Variants in GLIS3 observed in about 807,000 individuals in gnomAD.
GLIS3 encodes the protein zinc finger protein GLIS3.
In GLIS3, 53 loss-of-function variants were observed where a neutral mutation model predicts 78.6. The ratio of observed to expected loss-of-function variants is 0.67; its 90% CI spans 0.54 to 0.85. GLIS3 has a LOEUF of 0.85. Among genes scored for constraint, GLIS3 ranks in the 40% least tolerant of loss-of-function variants. The pLI is 0.00. For synonymous variants in GLIS3, 684 were observed against 509.9 expected, an observed-to-expected ratio of 1.34 and a Z score of -4.60; for missense variants, 1,703 against 1,231.1, an observed-to-expected ratio of 1.38 and a Z score of -5.74.
intron 3 of GLIS3, 104 bp downstream of exon 3, chr9:4,125,630 A>T: frequency 3.3e-6 from 2 of 610,472 alleles, no homozygotes; most frequent in Non-Finnish European, 5.4e-6. Context: ...GTGTAAGTGT[A>T]TGAGTGTGTG....
intron 8 of GLIS3, among the ~76,000 whole-genome samples, chr9:3,877,082 C>T (rs1254365390): frequency 1.3e-5 from 2 of 152,052 alleles, no homozygotes; most frequent in South Asian, 2.1e-4. Flanking sequence ...GTTGTTATGA[C>T]TATAGATAAG....
At chr9:4,125,368 C>T (rs1410011831) in intron 3 of GLIS3, among the ~76,000 whole-genome samples, 9 of 152,106 alleles carry the variant, frequency 5.9e-5, no homozygotes, top group Non-Finnish European at 1.3e-4. Context: ...GAAAACCTGG[C>T]AGGTAAGATA....
the GLIS3 span, among the ~76,000 whole-genome samples, chr9:4,385,534 G>A: frequency 8.9e-3 from 1,355 of 151,814 alleles, 17 homozygotes; most frequent in African/African-American, 0.031. Context: ...GTGTAGTGAT[G>A]GGCACCTGTA....
chr9:4,163,232 G>C (rs745959652), intron 2 of GLIS3, among the ~76,000 whole-genome samples: 1 of 146,392 alleles, frequency 6.8e-6, no homozygotes, highest in East Asian at 2.1e-4. Context: ...GCATGTGCAC[G>C]CATGTGCACT....
At chr9:4,391,721 G>C in the GLIS3 span, among the ~76,000 whole-genome samples, 1 of 152,122 alleles carries the variant, frequency 6.6e-6, no homozygotes, top group Non-Finnish European at 1.5e-5. Context: ...ATAGGGATTT[G>C]GTAAAGCACT....
At chr9:3,847,561 C>T (rs1819136922) in intron 9 of GLIS3, among the ~76,000 whole-genome samples, 1 of 152,220 alleles carries the variant, frequency 6.6e-6, no homozygotes, top group Non-Finnish European at 1.5e-5. Flanking sequence ...TGTGGGTGCA[C>T]ATGCACTCAT....
the GLIS3 span, among the ~76,000 whole-genome samples, chr9:4,462,639 GCA>G: frequency 2.0e-3 from 286 of 142,488 alleles, no homozygotes; most frequent in Middle Eastern, 6.9e-3. Flanking sequence ...ACACAGACAC[GCA>G]CACACACACA....
At chr9:4,360,459 A>G in the GLIS3 span, among the ~76,000 whole-genome samples, 1 of 152,188 alleles carries the variant, frequency 6.6e-6, no homozygotes, top group Non-Finnish European at 1.5e-5. Flanking sequence ...TATTACTAGT[A>G]ATATTAATTT....
the GLIS3 span, among the ~76,000 whole-genome samples, chr9:4,467,487 C>T: frequency 6.6e-6 from 1 of 152,252 alleles, no homozygotes; most frequent in South Asian, 2.1e-4. Flanking sequence ...TTTGCTGTTC[C>T]GCAGCCTCCG....
chr9:4,088,466 T>C lies in GLIS3; in HGVS notation c.1710+29302A>G, dbSNP rs370475481. The stretch of plus-strand genomic sequence containing the variant: ...CAGCCAACAGAAGTACAATCCTCCC[T>C]TATTTTCCTTATCTTAAATTGGTCC... On this transcript the variant is annotated intron_variant, in intron 4 of 10. Coordinates refer to ENST00000381971, the MANE Select transcript of GLIS3 (RefSeq NM_001042413.2). 7.2e-5 allele frequency among the ~76,000 whole-genome samples: 11 copies of C among 152,252 alleles called. No homozygotes were observed. The East Asian group carries it at 1.9e-3, about 27-fold the overall frequency.
At chr9:4,103,247 TAC>T (rs1830506145) in intron 4 of GLIS3, among the ~76,000 whole-genome samples, 1 of 152,176 alleles carries the variant, frequency 6.6e-6, no homozygotes, top group South Asian at 2.1e-4. Context: ...AAATTATTTT[TAC>T]AGACTCATTA....
At chr9:4,463,063 G>C in the GLIS3 span, among the ~76,000 whole-genome samples, 2 of 152,302 alleles carry the variant, frequency 1.3e-5, no homozygotes, top group Non-Finnish European at 2.9e-5. Context: ...AGAGAGATAA[G>C]TAGCATTTCT....
chr9:3,908,900 T>C (rs1823934627), intron 6 of GLIS3, among the ~76,000 whole-genome samples: 1 of 152,128 alleles, frequency 6.6e-6, no homozygotes, highest in African/African-American at 2.4e-5. Flanking sequence ...TTCAGTTCCA[T>C]TACATTTTAT....
the GLIS3 span, among the ~76,000 whole-genome samples, chr9:4,471,382 A>G: frequency 2.6e-5 from 4 of 152,232 alleles, no homozygotes; most frequent in Non-Finnish European, 5.9e-5. Flanking sequence ...TAACCAAAAC[A>G]GCATGGTACT....
chr9:4,213,533 G>A (rs1355586574), intron 2 of GLIS3, among the ~76,000 whole-genome samples: 1 of 152,186 alleles, frequency 6.6e-6, no homozygotes, highest in Non-Finnish European at 1.5e-5. Flanking sequence ...CACTTGAAAT[G>A]TGGCTAGTGT....
chr9:4,323,040 A>G (rs12001469), intron 2 of GLIS3, among the ~76,000 whole-genome samples: 28,734 of 152,014 alleles, frequency 0.19, 3,000 homozygotes, highest in African/African-American at 0.28. Context: ...AGTCTTTATG[A>G]TTTTAGGTCT....
At chr9:3,931,392 C>T (rs749786574) in intron 6 of GLIS3, among the ~76,000 whole-genome samples, 22 of 152,266 alleles carry the variant, frequency 1.4e-4, no homozygotes, top group East Asian at 5.8e-4. Context: ...GTAGAAGCCA[C>T]GGTGACCTGA....
At chr9:4,480,501 A>G in the GLIS3 span, among the ~76,000 whole-genome samples, 2 of 152,034 alleles carry the variant, frequency 1.3e-5, no homozygotes, top group Non-Finnish European at 2.9e-5. Flanking sequence ...ATGCCCAGCC[A>G]AGCTTTAGAT....
chr9:4,443,143 T>A, the GLIS3 span, among the ~76,000 whole-genome samples: 2 of 152,098 alleles, frequency 1.3e-5, no homozygotes, highest in Non-Finnish European at 2.9e-5. Flanking sequence ...AAGTAACAAA[T>A]TTGTGTCCAG....
Sources: allele counts gnomAD v4.1 joint callset (sites outside exome capture counted in the v4.1 genomes callset), GRCh38; gene constraint gnomAD v4.1.1; transcripts MANE v1.5; gene names NCBI Gene and HGNC (gene_info 2026-07-23, HGNC 2026-07-21).